The following GABRA5 variants were observed in gnomAD, a reference collection of about 807,000 sequenced individuals.
The protein encoded by GABRA5 is gamma-aminobutyric acid receptor subunit alpha-5.
In GABRA5, 18 loss-of-function variants were observed where a neutral mutation model predicts 47.3. The ratio of observed to expected loss-of-function variants is 0.38; its 90% confidence interval spans 0.26 to 0.56. The LOEUF (loss-of-function observed/expected upper bound fraction) is 0.56. Among genes scored for constraint, GABRA5 ranks in the 20% least tolerant of loss-of-function variants. The pLI, the probability that GABRA5 is intolerant of heterozygous loss-of-function variation, is 0.71. For synonymous variants in GABRA5, 237 were observed against 229.3 expected (o/e 1.03, Z -0.30); for missense variants, 365 against 599.3 (o/e 0.61, Z 4.08).
intron 9 of GABRA5, among the ~76,000 whole-genome samples, chr15:26,942,663 A>G (rs1894412537): frequency 6.6e-6 from 1 of 152,154 alleles, no homozygotes. Context: ...GGCTTTGTTC[A>G]TGGCAGTGGG....
intron 7 of GABRA5, among the ~76,000 whole-genome samples, chr15:26,927,105 T>TG (rs1491359069): frequency 6.8e-6 from 1 of 147,634 alleles, no homozygotes; most frequent in Non-Finnish European, 1.5e-5. Flanking sequence ...CTGCCTGCTA[T>TG]TTTTTTTTTC....
chr15:26,945,384 C>T lies in GABRA5; in HGVS notation c.1089+1958C>T, dbSNP rs1894487114. ...TCACCATTGTTCCAAGTTGGGATCT[C>T]CAGAAGCAAACACTGGGTCAGAGTT... On this transcript the variant is annotated intron_variant, in intron 10 of 10. Coordinates refer to ENST00000335625, the MANE Select transcript of GABRA5 (RefSeq NM_000810.4). Among the ~76,000 whole-genome samples, 4 of 152,322 alleles carry T rather than the reference C, an allele frequency of 2.6e-5. No homozygotes were observed. The South Asian group carries it at 8.3e-4, about 32-fold the overall frequency.
intron 6 of GABRA5, among the ~76,000 whole-genome samples, chr15:26,895,637 C>A (rs953078714): frequency 6.6e-6 from 1 of 151,624 alleles, no homozygotes; most frequent in African/African-American, 2.4e-5. Context: ...AGGGTGAAAC[C>A]CCGTCTCTAC....
chr15:26,903,742 C>T lies in GABRA5; in HGVS notation c.498-11061C>T, dbSNP rs911803081. Among the ~76,000 whole-genome samples the T allele has an allele frequency of 6.6e-5, 10 of 152,112 alleles. No individual in the cohort carries two copies. The East Asian group carries it at 9.7e-4, about 15-fold the overall frequency. ...TTTTTTTTCATATACTCATTGGCTG[C>T]ATGTATGTCTTCTTTTGAAAAGTGT... is the stretch of plus-strand genomic sequence containing the variant. On this transcript the variant is annotated intron_variant, in intron 6 of 10. Coordinates refer to ENST00000335625, the MANE Select transcript of GABRA5 (RefSeq NM_000810.4).
intron 3 of GABRA5, among the ~76,000 whole-genome samples, chr15:26,873,058 A>C (rs1220034130): frequency 1.3e-5 from 2 of 152,222 alleles, no homozygotes; most frequent in African/African-American, 4.8e-5. Flanking sequence ...CAATACAATA[A>C]GGCCCTTTTT....
At chr15:26,880,818 C>T (rs1039506246) in intron 3 of GABRA5, 28 bp from the exon 4 acceptor site, 11 of 1,610,400 alleles carry the variant, frequency 6.8e-6, no homozygotes, top group East Asian at 2.2e-5. Context: ...TATGTTTTAA[C>T]GCTTCCTCTT....
chr15:26,928,079 A>T (rs1450624072), intron 7 of GABRA5, among the ~76,000 whole-genome samples: 1 of 152,208 alleles, frequency 6.6e-6, no homozygotes, highest in African/African-American at 2.4e-5. Context: ...CATTCATTTT[A>T]TTTGTGGAGT....
intron 3 of GABRA5, among the ~76,000 whole-genome samples, chr15:26,874,323 T>A (rs899560743): frequency 7.0e-5 from 9 of 128,280 alleles, no homozygotes; most frequent in African/African-American, 2.8e-4. Context: ...ATGCATTTTT[T>A]TTTTAAATGC....
At chr15:26,870,418 G>T (rs28396829) in intron 3 of GABRA5, among the ~76,000 whole-genome samples, 34,057 of 152,114 alleles carry the variant, frequency 0.22, 4,219 homozygotes, top group East Asian at 0.33. Flanking sequence ...TCCACCCCGG[G>T]GCAAGCCTGA....
intron 3 of GABRA5, among the ~76,000 whole-genome samples, chr15:26,870,246 A>T (rs1003704093): frequency 4.6e-5 from 7 of 152,174 alleles, no homozygotes; most frequent in Non-Finnish European, 8.8e-5. Flanking sequence ...CAGCCTTCCC[A>T]TCTGGGGGGA....
intron 6 of GABRA5, among the ~76,000 whole-genome samples, chr15:26,894,666 G>T (rs537444139): frequency 6.6e-6 from 1 of 151,982 alleles, no homozygotes; most frequent in African/African-American, 2.4e-5. Context: ...GTACTCTCTG[G>T]TCCTGGCTCT....
chr15:26,903,900 C>T (rs1281723234), intron 6 of GABRA5, among the ~76,000 whole-genome samples: 1 of 151,878 alleles, frequency 6.6e-6, no homozygotes, highest in Non-Finnish European at 1.5e-5. Context: ...GATATTTTCT[C>T]TCATTCTATA....
Position 26,932,134 on chromosome 15 carries a change from TA to T in GABRA5, c.581-5048del, listed in dbSNP as rs1303062903. Among the ~76,000 whole-genome samples, 3 of 152,254 alleles carry T rather than the reference TA, an allele frequency of 2.0e-5. No homozygotes were observed. The East Asian group carries it at 5.8e-4, about 29-fold the overall frequency. On this transcript the variant is annotated intron_variant, in intron 7 of 10. Coordinates refer to ENST00000335625, the MANE Select transcript of GABRA5 (RefSeq NM_000810.4). ...ATTGACAAATGGGACCTAATTAAAC[TA>T]AAGAGCTTCTGCACAGCAAAAGACA...
chr15:26,944,698 A>G (rs547385546), intron 10 of GABRA5, among the ~76,000 whole-genome samples: 1 of 152,274 alleles, frequency 6.6e-6, no homozygotes, highest in Non-Finnish European at 1.5e-5. Flanking sequence ...GTGGGGAGGA[A>G]CGAGAATGGA....
chr15:26,902,566 G>A lies in GABRA5; in HGVS notation c.498-12237G>A, dbSNP rs529142080. 9.2e-5 allele frequency among the ~76,000 whole-genome samples: 14 copies of A among 152,112 alleles called. No homozygotes were observed. The South Asian group carries it at 1.2e-3, about 14-fold the overall frequency. On this transcript the variant is annotated intron_variant, in intron 6 of 10. Transcript: ENST00000335625. ...TCAGATTTTATACATAGACGAGCAT[G>A]CTCAAGCTCAATTGTGCTCAAGCGC...
At chr15:26,898,894 A>T (rs1893262180) in intron 6 of GABRA5, among the ~76,000 whole-genome samples, 1 of 151,862 alleles carries the variant, frequency 6.6e-6, no homozygotes, top group Middle Eastern at 3.2e-3. Flanking sequence ...TTTTGTTGTC[A>T]TTTATCTCAA....
At chr15:26,942,268 T>A (rs1894402459) in intron 9 of GABRA5, among the ~76,000 whole-genome samples, 1 of 152,234 alleles carries the variant, frequency 6.6e-6, no homozygotes, top group South Asian at 2.1e-4. Flanking sequence ...AGCTGGTGCA[T>A]AATCTGCCAG....
chr15:26,914,199 A>G (rs911249499), intron 6 of GABRA5, among the ~76,000 whole-genome samples: 1 of 152,190 alleles, frequency 6.6e-6, no homozygotes, highest in Non-Finnish European at 1.5e-5. Flanking sequence ...GAAGATTGTT[A>G]TGATATTACA....
Position 26,883,537 on chromosome 15 carries a change from C to T in GABRA5, c.477C>T (p.Gly159=), listed in dbSNP as rs1456104038. Residue 159 remains glycine (G), a synonymous_variant, in exon 6 of 11, where the codon GGC becomes GGT. Coordinates refer to ENST00000335625, the MANE Select transcript of GABRA5 (RefSeq NM_000810.4). The surrounding 1 kb of genome is among the most constrained non-coding windows in gnomAD (Gnocchi z 4.8). ...AGCTGCTGCGGCTGGAGGACGACGGCACCCTGCTCTACACCATGCGGTGAG... is the reference window on the plus strand; with the variant it reads ...AGCTGCTGCGGCTGGAGGACGACGGTACCCTGCTCTACACCATGCGGTGAG... ...PNKLLRLEDD[G]TLLYTMRLTI... The T allele has an allele frequency of 6.2e-7, 1 of 1,612,012 alleles. No homozygotes were observed. The highest frequency in any genetic ancestry group is 1.1e-5 in the South Asian group (1 of 90,996).
Sources: gnomAD v4.1 joint callset for allele counts (sites outside exome capture counted in the v4.1 genomes callset) on GRCh38, gnomAD v4.1.1 for gene constraint, Gnocchi (gnomAD v3.1) non-coding constraint, MANE v1.5 for transcripts, NCBI Gene and HGNC (gene_info 2026-07-23, HGNC 2026-07-21) for gene names.